The following TLE4 variants were observed in gnomAD, a reference collection of about 807,000 sequenced individuals.
TLE4 encodes transducin-like enhancer protein 4.
A neutral mutation model predicts 92.8 loss-of-function variants in TLE4; 8 were observed. The ratio of observed to expected loss-of-function variants is 0.09; its 90% CI spans 0.05 to 0.16. The LOEUF is 0.16. TLE4 is among the 10% of genes least tolerant of loss of function. The pLI is 1.00. For synonymous variants in TLE4, 371 were observed against 374.1 expected (o/e 0.99, Z 0.10); for missense variants, 675 against 997.6 (o/e 0.68, Z 4.36).
chr9:79,715,753 C>G (rs964669245), intron 14 of TLE4, among the ~76,000 whole-genome samples: 1 of 152,038 alleles, frequency 6.6e-6, no homozygotes, highest in Non-Finnish European at 1.5e-5. Context: ...CAAAGACAAC[C>G]CCCCAGTATC....
chr9:79,601,468 C>A, intron 4 of TLE4: 1 of 455,414 alleles, frequency 2.2e-6, no homozygotes, highest in South Asian at 1.6e-5. Context: ...AGCTGTTCTT[C>A]CAATAGCCTG....
At chr9:79,622,183 C>T (rs1333867166) in intron 5 of TLE4, among the ~76,000 whole-genome samples, 1 of 152,160 alleles carries the variant, frequency 6.6e-6, no homozygotes, top group Non-Finnish European at 1.5e-5. Context: ...TAAAGCATTT[C>T]CATGCTACAC....
Position 79,572,737 on chromosome 9 carries a change from T to C in TLE4, c.-54T>C, listed in dbSNP as rs374020480. On this transcript the variant is annotated 5_prime_UTR_variant, in exon 1 of 20. Coordinates refer to ENST00000376552, the MANE Select transcript of TLE4 (RefSeq NM_007005.6). ...GCGGCCGCCTCCTCTTCGGGGTCATTAAAGCCAATGAGCCGCGCGCCTCTG... is the reference window on the plus strand; with the variant it reads ...GCGGCCGCCTCCTCTTCGGGGTCATCAAAGCCAATGAGCCGCGCGCCTCTG... 2.1e-3 allele frequency: 3,265 copies of C among 1,579,538 alleles called. 6 individuals carry two copies. Among genetic ancestry groups the C allele is most frequent in the Non-Finnish European group, 2.6e-3 (3,011 of 1,162,540 alleles).
chr9:79,628,829 A>G (rs749646491), intron 6 of TLE4, among the ~76,000 whole-genome samples: 1 of 152,026 alleles, frequency 6.6e-6, no homozygotes, highest in Non-Finnish European at 1.5e-5. Context: ...AAACAGCAGT[A>G]TATTAAATTT....
chr9:79,651,704 T>A (rs537294287), intron 6 of TLE4, among the ~76,000 whole-genome samples: 6 of 152,334 alleles, frequency 3.9e-5, no homozygotes, highest in African/African-American at 1.4e-4. Context: ...AGTAATTTGC[T>A]CAAGTACCGC....
At chr9:79,576,297 TGGG>T in intron 4 of TLE4, 120 bp downstream of exon 4, 1 of 593,362 alleles carries the variant, frequency 1.7e-6, no homozygotes, top group Admixed American at 3.6e-5. Flanking sequence ...TTTAAAAGTC[TGGG>T]TAGTGAAGAA....
chr9:79,717,872 C>T (rs2074859378), intron 14 of TLE4: 7 of 417,332 alleles, frequency 1.7e-5, no homozygotes, highest in South Asian at 1.1e-4. Context: ...CTGCCACTGG[C>T]GTCTTCTGCT....
intron 4 of TLE4, chr9:79,576,388 A>G (rs575615325): frequency 2.5e-4 from 86 of 346,418 alleles, no homozygotes; most frequent in African/African-American, 1.7e-3. Context: ...ATGTTATTTT[A>G]AAAAGTCTGA....
At chr9:79,676,263 T>C (rs1332058520) in intron 8 of TLE4, among the ~76,000 whole-genome samples, 1 of 152,232 alleles carries the variant, frequency 6.6e-6, no homozygotes, top group African/African-American at 2.4e-5. Flanking sequence ...CTTTTGTTAC[T>C]ACTGAAACTA....
intron 6 of TLE4, among the ~76,000 whole-genome samples, chr9:79,648,488 G>C (rs2058443528): frequency 6.6e-6 from 1 of 152,142 alleles, no homozygotes; most frequent in South Asian, 2.1e-4. Flanking sequence ...AAGCTGAGCT[G>C]AGATAGGTGA....
chr9:79,709,752 C>T (rs1365243063), intron 14 of TLE4, 53 bp downstream of exon 14: 13 of 1,526,082 alleles, frequency 8.5e-6, no homozygotes, highest in Non-Finnish European at 9.1e-6. Context: ...AGGTCCCTTG[C>T]TGGCCCCGTA....
chr9:79,641,025 G>C (rs77131478), intron 6 of TLE4, among the ~76,000 whole-genome samples: 3,527 of 151,606 alleles, frequency 0.023, 138 homozygotes, highest in African/African-American at 0.078. Context: ...ATTACTGTGG[G>C]GCTACCTGGT....
At chr9:79,707,409 C>T (rs2071943110) in intron 11 of TLE4, among the ~76,000 whole-genome samples, 1 of 152,206 alleles carries the variant, frequency 6.6e-6, no homozygotes, top group Non-Finnish European at 1.5e-5. Flanking sequence ...AATCTCCCTG[C>T]ACCCTATTCT....
At chr9:79,677,810 A>G (rs910391676) in intron 8 of TLE4, among the ~76,000 whole-genome samples, 1 of 152,042 alleles carries the variant, frequency 6.6e-6, no homozygotes, top group Non-Finnish European at 1.5e-5. Flanking sequence ...AAATGTGGTC[A>G]ATTTGTGGAT....
intron 8 of TLE4, among the ~76,000 whole-genome samples, chr9:79,697,163 A>G (rs2068482534): frequency 6.6e-6 from 1 of 152,188 alleles, no homozygotes; most frequent in Non-Finnish European, 1.5e-5. Flanking sequence ...TTGCTGGAGA[A>G]CAAATGGACA....
chr9:79,609,039 T>G (rs1335764458), intron 4 of TLE4, among the ~76,000 whole-genome samples: 1 of 152,102 alleles, frequency 6.6e-6, no homozygotes, highest in Non-Finnish European at 1.5e-5. Flanking sequence ...AAAGGAAATA[T>G]GTATTTGGTA....
chr9:79,642,720 T>G (rs2057401729), intron 6 of TLE4, among the ~76,000 whole-genome samples: 1 of 152,112 alleles, frequency 6.6e-6, no homozygotes, highest in African/African-American at 2.4e-5. Context: ...TGTAGTTTTC[T>G]CCTTCTTTTC....
chr9:79,675,719 T>A (rs1371940922), intron 8 of TLE4, among the ~76,000 whole-genome samples: 3 of 152,154 alleles, frequency 2.0e-5, no homozygotes, highest in Non-Finnish European at 1.5e-5. Flanking sequence ...GTCATTTTGC[T>A]TCTCTTTTAA....
chr9:79,655,182 C>A (rs2059604648), intron 8 of TLE4, among the ~76,000 whole-genome samples: 1 of 152,016 alleles, frequency 6.6e-6, no homozygotes, highest in South Asian at 2.1e-4. Context: ...CATATGTACA[C>A]CATTGTATTA....
Sources: gnomAD v4.1 joint callset for allele counts (sites outside exome capture counted in the v4.1 genomes callset) on GRCh38, gnomAD v4.1.1 for gene constraint, MANE v1.5 for transcripts, NCBI Gene and HGNC (gene_info 2026-07-23, HGNC 2026-07-21) for gene names.